TLR7: variants seen among roughly 807,000 people sequenced by gnomAD.
The protein encoded by TLR7 is toll like receptor 7, also known as toll-like receptor 7.
In TLR7, 12 loss-of-function variants were observed where a neutral mutation model predicts 38.3. The ratio of observed to expected loss-of-function variants is 0.31; its 90% confidence interval spans 0.20 to 0.51. TLR7 has a LOEUF of 0.51. Among genes scored for constraint, TLR7 ranks in the 20% least tolerant of loss-of-function variants. TLR7 has a pLI of 0.98. For missense variants in TLR7, 504 were observed against 743.4 expected, an observed-to-expected ratio of 0.68 and a Z score of 3.74; for synonymous variants, 285 against 293.8, an observed-to-expected ratio of 0.97 and a Z score of 0.31.
chrX:12,882,377 C>T (rs949737335), intron 2 of TLR7, among the ~76,000 whole-genome samples: 7 of 109,558 alleles, frequency 6.4e-5, no homozygotes, highest in East Asian at 5.7e-4. Context: ...GACCTAATGA[C>T]TAATTGGAGT....
intron 2 of TLR7, among the ~76,000 whole-genome samples, chrX:12,875,969 T>C (rs2042868939): frequency 9.2e-6 from 1 of 108,891 alleles, no homozygotes; most frequent in African/African-American, 3.4e-5. Flanking sequence ...TTTTTTTTTT[T>C]TTGTCTTGAG....
At chrX:12,881,841 T>C (rs2042893789) in intron 2 of TLR7, among the ~76,000 whole-genome samples, 1 of 111,855 alleles carries the variant, frequency 8.9e-6, no homozygotes, top group Non-Finnish European at 1.9e-5. Flanking sequence ...TGAATGAATA[T>C]ATGGAAAACA....
intron 2 of TLR7, among the ~76,000 whole-genome samples, chrX:12,868,635 C>A (rs944272025): frequency 9.0e-6 from 1 of 111,604 alleles, no homozygotes; most frequent in Non-Finnish European, 1.9e-5. Flanking sequence ...TTTTTCAAGT[C>A]CTTTGCAAGT....
chrX:12,882,427 C>T (rs955329418), intron 2 of TLR7, among the ~76,000 whole-genome samples: 19 of 105,132 alleles, frequency 1.8e-4, no homozygotes, highest in South Asian at 1.7e-3. Flanking sequence ...TGGACAGGTG[C>T]GAGAAAAAAG....
intron 2 of TLR7, 92 bp downstream of exon 2, chrX:12,867,673 T>C: frequency 1.1e-6 from 1 of 897,556 alleles, no homozygotes. Context: ...TTGAAGAATC[T>C]GTACTTAGGT....
In TLR7 at chrX:12,888,286, A is replaced by C; in HGVS notation, c.2778A>C (p.Leu926Phe). Residue 926 changes from leucine to phenylalanine, a missense_variant, in exon 3 of 3, where the codon TTA (leucine) becomes TTC (phenylalanine). By Grantham distance (22) the Leu-to-Phe change is conservative (BLOSUM62 0). Coordinates refer to ENST00000380659, the MANE Select transcript of TLR7 (RefSeq NM_016562.4). ...ACCCAAGAGAGAAACATTTTAATTT[A>C]TGTCTCGAGGAAAGGGACTGGTTAC... ...LEDPREKHFN[L>F]CLEERDWLPG... The C allele has an allele frequency of 8.3e-7, 1 of 1,211,348 alleles. No individual in the cohort carries two copies. The highest frequency in any genetic ancestry group is 1.1e-6 in the Non-Finnish European group (1 of 895,471).
intron 2 of TLR7, among the ~76,000 whole-genome samples, chrX:12,878,465 C>A (rs1227073521): frequency 9.0e-6 from 1 of 111,661 alleles, no homozygotes; most frequent in African/African-American, 3.3e-5. Flanking sequence ...ACCATCTGGC[C>A]CTTTACAGAA....
At position 12,867,521 on chromosome X, in the gene TLR7, C is replaced by T; in HGVS notation, c.-58C>T. 1 of 1,169,257 alleles carries T rather than the reference C, an allele frequency of 8.6e-7. No individual in the cohort carries two copies. Among genetic ancestry groups the T allele is most frequent in the Non-Finnish European group, 1.2e-6 (1 of 859,007 alleles). On this transcript the variant is annotated 5_prime_UTR_variant, in exon 2 of 3. Coordinates refer to ENST00000380659, the MANE Select transcript of TLR7 (RefSeq NM_016562.4). ...CCATCTCAAGCTGATCTTGGCACCTCTCATGCTCTGCTCTCTTCAACCAGA... is the reference window on the plus strand; with the variant it reads ...CCATCTCAAGCTGATCTTGGCACCTTTCATGCTCTGCTCTCTTCAACCAGA...
intron 2 of TLR7, among the ~76,000 whole-genome samples, chrX:12,884,931 A>G (rs1297523243): frequency 3.5e-5 from 4 of 113,272 alleles, no homozygotes; most frequent in African/African-American, 1.3e-4. Flanking sequence ...TGTCAGTGCC[A>G]GAATGGCAGG....
At chrX:12,883,407 T>C (rs1294995317) in intron 2 of TLR7, among the ~76,000 whole-genome samples, 1 of 111,781 alleles carries the variant, frequency 8.9e-6, no homozygotes, top group Non-Finnish European at 1.9e-5. Flanking sequence ...GTTTATCGAC[T>C]AGTGAGGCTA....
intron 2 of TLR7, among the ~76,000 whole-genome samples, chrX:12,870,762 G>A (rs2042849695): frequency 8.9e-6 from 1 of 111,979 alleles, no homozygotes; most frequent in Non-Finnish European, 1.9e-5. Flanking sequence ...TTTACAAATG[G>A]TTTTATTGTT....
intron 2 of TLR7, among the ~76,000 whole-genome samples, chrX:12,869,830 C>G (rs1340319022): frequency 1.9e-5 from 1 of 51,451 alleles, no homozygotes; most frequent in Non-Finnish European, 3.6e-5. Flanking sequence ...TGCAGCCAGG[C>G]AAAAAAAAAA....
At position 12,887,221 on chromosome X, in the gene TLR7, G is replaced by A. The variant is rs1324992190; in HGVS notation, c.1713G>A (p.Leu571=). 1.7e-6 allele frequency: 2 copies of A among 1,210,781 alleles called. No individual in the cohort carries two copies. The highest frequency in any genetic ancestry group is 2.2e-6 in the Non-Finnish European group (2 of 895,127). The change falls in exon 3 of 3, where the codon CTG becomes CTA. Residue 571 remains leucine, a synonymous_variant. Coordinates refer to ENST00000380659, the MANE Select transcript of TLR7 (RefSeq NM_016562.4). ...AAGAGCTTCACAAACTGGAAGTTCT[G>A]GATATAAGCAGTAATAGCCATTATT... ...AFEELHKLEV[L]DISSNSHYFQ... is the part of the protein sequence containing the mutation.
chrX:12,889,742 C>G lies in TLR7; in HGVS notation c.*1084C>G, dbSNP rs200944677. The G allele has an allele frequency of 8.9e-6, 1 of 112,873 alleles. No homozygotes were observed. Among genetic ancestry groups the G allele is most frequent in the Non-Finnish European group, 1.9e-5 (1 of 53,364 alleles). 9.3% of individuals were successfully genotyped at this position (112,873 alleles called of 1,213,427 possible). On this transcript the variant is annotated 3_prime_UTR_variant, in exon 3 of 3. Transcript: ENST00000380659. ...AGTACTGTATCCAAAGTAAAATTTC[C>G]TCATCCAATATCTTTCAAACTGTTT...
intron 2 of TLR7, among the ~76,000 whole-genome samples, chrX:12,884,030 G>T (rs1268365491): frequency 9.0e-6 from 1 of 111,198 alleles, no homozygotes; most frequent in African/African-American, 3.3e-5. Context: ...CCCTGGCTGG[G>T]GTGCAGTGGT....
chrX:12,871,353 G>T (rs1370028805), intron 2 of TLR7, among the ~76,000 whole-genome samples: 1 of 112,260 alleles, frequency 8.9e-6, no homozygotes, highest in African/African-American at 3.2e-5. Context: ...ACAGTGCTTG[G>T]TTATTCTCTA....
In TLR7 at chrX:12,889,624, A is replaced by C. The variant is rs2042924264; in HGVS notation, c.*966A>C. 8.9e-6 allele frequency: 1 copy of C among 112,405 alleles called. No homozygotes were observed. The highest frequency in any genetic ancestry group is 9.4e-5 in the Admixed American group (1 of 10,622). 9.3% of individuals were successfully genotyped at this position (112,405 alleles called of 1,213,427 possible). A position where few individuals can be genotyped will look rare whatever the true frequency, so the allele number is the denominator to read the frequency against. ...ATAAATGCATATGGTCCACCTACAA[A>C]TAGAAAAATATTTAAATGATCTGCC... is the stretch of plus-strand genomic sequence containing the variant. On this transcript the variant is annotated 3_prime_UTR_variant, in exon 3 of 3. Transcript: ENST00000380659.
chrX:12,877,976 C>T (rs999524693), intron 2 of TLR7, among the ~76,000 whole-genome samples: 4 of 111,823 alleles, frequency 3.6e-5, no homozygotes, highest in South Asian at 3.7e-4. Context: ...CACTATGTGG[C>T]GGGCATCCTA....
At chrX:12,875,386 CAAT>C (rs1404160644) in intron 2 of TLR7, among the ~76,000 whole-genome samples, 5 of 111,974 alleles carry the variant, frequency 4.5e-5, no homozygotes, top group Non-Finnish European at 9.4e-5. Context: ...AGTAGATTCT[CAAT>C]AATGTTTGTT....
Sources: gnomAD v4.1 joint callset for allele counts (sites outside exome capture counted in the v4.1 genomes callset) on GRCh38, gnomAD v4.1.1 for gene constraint, MANE v1.5 for transcripts, NCBI Gene and HGNC (gene_info 2026-07-23, HGNC 2026-07-21) for gene names.